Variants in CHST8 observed in about 807,000 individuals in gnomAD.
CHST8 encodes the protein GALNAC-4-ST1.
In CHST8, 10 loss-of-function variants were observed where a neutral mutation model predicts 15.0. The ratio of observed to expected loss-of-function variants is 0.67; its 90% CI spans 0.41 to 1.13. The LOEUF (loss-of-function observed/expected upper bound fraction) is 1.13. Among genes scored for constraint, CHST8 ranks in the 50% most tolerant of loss-of-function variants. CHST8 has a pLI of 0.00. For synonymous variants in CHST8, 259 were observed against 256.6 expected (o/e 1.01, Z -0.09); for missense variants, 634 against 608.2 (o/e 1.04, Z -0.45).
intron 3 of CHST8, among the ~76,000 whole-genome samples, chr19:33,695,821 C>CTTTTTTTTTTTTTTTTTTTTT (rs55695414): frequency 3.9e-5 from 3 of 76,232 alleles, no homozygotes; most frequent in Non-Finnish European, 7.5e-5. Context: ...TTCTTTCTTT[C>CTTTTTTTTTTTTTTTTTTTTT]TTTTTTTTTT....
chr19:33,678,343 C>T (rs1299769400), intron 2 of CHST8, among the ~76,000 whole-genome samples: 3 of 152,184 alleles, frequency 2.0e-5, no homozygotes, highest in Non-Finnish European at 2.9e-5. Context: ...CACAGAGCAT[C>T]CAGGATAGGG....
At chr19:33,640,161 C>T (rs570530422) in intron 1 of CHST8, among the ~76,000 whole-genome samples, 114 of 152,324 alleles carry the variant, frequency 7.5e-4, no homozygotes, top group African/African-American at 2.6e-3. Flanking sequence ...AATTCTTACA[C>T]CATTTTATGA....
At chr19:33,650,763 A>ACTGG (rs1173804981) in intron 1 of CHST8, among the ~76,000 whole-genome samples, 1 of 150,918 alleles carries the variant, frequency 6.6e-6, no homozygotes, top group African/African-American at 2.4e-5. Flanking sequence ...GCTGGAGTTC[A>ACTGG]GTAGTGTGAT....
chr19:33,636,092 TAAA>T (rs4012941), intron 1 of CHST8, among the ~76,000 whole-genome samples: 30 of 139,648 alleles, frequency 2.1e-4, no homozygotes, highest in African/African-American at 2.9e-4. Flanking sequence ...TTATCAAAGT[TAAA>T]AAAAAAAAAA....
intron 1 of CHST8, among the ~76,000 whole-genome samples, chr19:33,648,344 T>C (rs1972381312): frequency 6.6e-6 from 1 of 151,222 alleles, no homozygotes; most frequent in African/African-American, 2.4e-5. Context: ...TCCACAACAT[T>C]TTCATCACTC....
chr19:33,646,457 A>G (rs1318973905), intron 1 of CHST8, among the ~76,000 whole-genome samples: 1 of 152,218 alleles, frequency 6.6e-6, no homozygotes, highest in African/African-American at 2.4e-5. Flanking sequence ...CTCAAACACT[A>G]GTCGTAGGTT....
At chr19:33,660,518 G>A (rs533441937) in intron 1 of CHST8, among the ~76,000 whole-genome samples, 3 of 152,244 alleles carry the variant, frequency 2.0e-5, no homozygotes, top group African/African-American at 7.2e-5. Context: ...AGAAACTGGT[G>A]GAAACCAGCA....
chr19:33,665,328 C>T (rs954182187), intron 1 of CHST8, among the ~76,000 whole-genome samples: 4 of 152,136 alleles, frequency 2.6e-5, no homozygotes, highest in East Asian at 1.9e-4. Context: ...TTTTCGTAAA[C>T]GACCATGGAG....
intron 3 of CHST8, among the ~76,000 whole-genome samples, chr19:33,755,156 T>C (rs1490194278): frequency 1.3e-5 from 2 of 152,196 alleles, no homozygotes; most frequent in Non-Finnish European, 2.9e-5. Flanking sequence ...ATCCCTGCTG[T>C]CTGCAACCAC....
intron 3 of CHST8, among the ~76,000 whole-genome samples, chr19:33,738,841 C>T (rs1187098752): frequency 1.3e-5 from 2 of 152,190 alleles, no homozygotes; most frequent in South Asian, 2.1e-4. Flanking sequence ...CCACCCCTCT[C>T]GGCCTCCCAA....
intron 3 of CHST8, among the ~76,000 whole-genome samples, chr19:33,755,899 G>C (rs1164952928): frequency 1.3e-5 from 2 of 152,218 alleles, no homozygotes; most frequent in East Asian, 3.9e-4. Flanking sequence ...TCTAATTGCA[G>C]GGCCTTTGGT....
intron 1 of CHST8, among the ~76,000 whole-genome samples, chr19:33,640,674 A>G (rs1439043201): frequency 6.6e-6 from 1 of 152,224 alleles, no homozygotes; most frequent in African/African-American, 2.4e-5. Flanking sequence ...AGTCGGAATT[A>G]ATGTTCTGTT....
rs1280901510 is a variant in CHST8, at chr19:33,765,561, G to GTGTGTGTGTGTC, written c.131-5852_131-5851insTGTGTGTGTGTC. 5.2e-3 allele frequency among the ~76,000 whole-genome samples: 713 copies of GTGTGTGTGTGTC among 137,912 alleles called. 6 individuals are homozygous for GTGTGTGTGTGTC. The highest frequency in any genetic ancestry group is 8.7e-3 in the Non-Finnish European group (551 of 63,210). 90.5% of individuals were successfully genotyped at this position (137,912 alleles called of 152,430 possible). The stretch of plus-strand genomic sequence containing the variant: ...TGTGTGTGTGTGTGTGTGTCAGAGA[G>GTGTGTGTGTGTC]AGAGAGAGAGAGAGAGAGAGAGACG... On this transcript the variant is annotated intron_variant, in intron 3 of 4. Transcript: ENST00000650847.
intron 3 of CHST8, among the ~76,000 whole-genome samples, chr19:33,751,819 C>T (rs2840150): frequency 0.081 from 12,265 of 152,262 alleles, 1,612 homozygotes; most frequent in African/African-American, 0.28. Context: ...GAAGCCCCCA[C>T]GGGAGCGGGA....
chr19:33,689,379 C>T lies in CHST8; in HGVS notation c.118C>T (p.Gln40Ter), dbSNP rs1360513204. The change falls in exon 3 of 5, where the codon CAG becomes TAG. Residue 40 changes from glutamine (Q) to a stop codon, truncating the protein, a stop_gained. Transcript: ENST00000650847. LOFTEE classifies it low-confidence loss of function (END_TRUNC). Reference sequence around the variant, plus strand: ...GCAGGACCCTACGGAGCTCGCCCCCCAGCAGGTGCCAGGTGAGTCCTTGCG... The same window carrying T: ...GCAGGACCCTACGGAGCTCGCCCCCTAGCAGGTGCCAGGTGAGTCCTTGCG... Reference protein sequence around the residue: ...SLQDPTELAPQQVPGIKFNIR... With the variant: ...SLQDPTELAP The T allele has an allele frequency of 6.3e-7, 1 of 1,595,954 alleles. No homozygotes were observed. Among genetic ancestry groups the T allele is most frequent in the Non-Finnish European group, 8.5e-7 (1 of 1,173,730 alleles).
In CHST8 at chr19:33,730,699, G is replaced by A. The variant is rs1973977926; in HGVS notation, c.131-40714G>A. On this transcript the variant is annotated intron_variant, in intron 3 of 4. Transcript: ENST00000650847. ...ACTAATAAGATAGATGTATGTATGA[G>A]GGGGAGTTTATTAAGAAGTATTGAC... Among the ~76,000 whole-genome samples, 2 of 152,226 alleles carry A rather than the reference G, an allele frequency of 1.3e-5. 1 individual carries two copies. The highest frequency in any genetic ancestry group is 4.1e-4 in the South Asian group (2 of 4,834).
intron 3 of CHST8, among the ~76,000 whole-genome samples, chr19:33,753,499 C>T (rs1430740308): frequency 7.0e-4 from 63 of 89,630 alleles, no homozygotes; most frequent in Non-Finnish European, 1.2e-3. Flanking sequence ...TACCATCCCC[C>T]CTCCATCCTC....
intron 3 of CHST8, among the ~76,000 whole-genome samples, chr19:33,766,506 A>T (rs763523730): frequency 6.6e-5 from 10 of 152,148 alleles, no homozygotes; most frequent in Non-Finnish European, 1.3e-4. Flanking sequence ...CAGGGCTCGG[A>T]GGCCTTTCTT....
At chr19:33,741,888 A>T (rs1357791713) in intron 3 of CHST8, among the ~76,000 whole-genome samples, 1 of 152,014 alleles carries the variant, frequency 6.6e-6, no homozygotes, top group East Asian at 1.9e-4. Flanking sequence ...ACATCTATCT[A>T]TTCGGATTAT....
Sources: gnomAD v4.1 joint callset for allele counts (sites outside exome capture counted in the v4.1 genomes callset) on GRCh38, gnomAD v4.1.1 for gene constraint, MANE v1.5 for transcripts, NCBI Gene and HGNC (gene_info 2026-07-23, HGNC 2026-07-21) for gene names.